The following CCNH variants were observed in gnomAD, a reference collection of about 807,000 sequenced individuals.
CCNH encodes the protein cyclin-H.
In CCNH, 31 loss-of-function variants were observed where a neutral mutation model predicts 41.9. That is an observed-to-expected ratio of 0.74 (90% CI 0.56 to 1.00). The LOEUF (loss-of-function observed/expected upper bound fraction) is 1.00. CCNH is among the 50% of genes least tolerant of loss of function. CCNH has a pLI of 0.00. For synonymous variants in CCNH, 138 were observed against 136.1 expected, an observed-to-expected ratio of 1.01 and a Z score of -0.10; for missense variants, 362 against 388.4, an observed-to-expected ratio of 0.93 and a Z score of 0.57.
At chr5:87,384,182 A>C (rs1187938755) in intron 9 of CCNH, among the ~76,000 whole-genome samples, 1 of 152,166 alleles carries the variant, frequency 6.6e-6, no homozygotes, top group Admixed American at 6.5e-5. Flanking sequence ...CAGTTGGAAT[A>C]GTATTCTGTG....
intron 9 of CCNH, among the ~76,000 whole-genome samples, chr5:87,321,868 C>G (rs1430475070): frequency 6.6e-6 from 1 of 152,200 alleles, no homozygotes; most frequent in Non-Finnish European, 1.5e-5. Context: ...TTATGACCCA[C>G]AGTCAGAAAA....
chr5:87,384,693 G>A (rs1761946555), intron 9 of CCNH, among the ~76,000 whole-genome samples: 1 of 152,046 alleles, frequency 6.6e-6, no homozygotes, highest in Non-Finnish European at 1.5e-5. Flanking sequence ...AAGTTCCAGA[G>A]CTTATATTTA....
chr5:87,343,701 C>T (rs967930549), intron 9 of CCNH, among the ~76,000 whole-genome samples: 4 of 152,084 alleles, frequency 2.6e-5, no homozygotes, highest in Non-Finnish European at 5.9e-5. Flanking sequence ...CCATATGATC[C>T]GGCAATCCCA....
intron 9 of CCNH, among the ~76,000 whole-genome samples, chr5:87,385,560 T>A (rs1190596918): frequency 6.6e-6 from 1 of 152,114 alleles, no homozygotes; most frequent in Admixed American, 6.5e-5. Context: ...TACATTTTAA[T>A]AGTGGAACTT....
intron 9 of CCNH, among the ~76,000 whole-genome samples, chr5:87,337,398 C>T (rs955217722): frequency 6.6e-6 from 1 of 151,986 alleles, no homozygotes; most frequent in Non-Finnish European, 1.5e-5. Flanking sequence ...GAATGCTGTA[C>T]CCATTGGATA....
At position 87,362,570 on chromosome 5, in the gene CCNH, A is replaced by G. The variant is rs529871259; in HGVS notation, c.*90+30200T>C. 31 of 1,593,846 alleles carry G rather than the reference A, an allele frequency of 1.9e-5. No individual in the cohort carries two copies. Among genetic ancestry groups the G allele is most frequent in the African/African-American group, 1.3e-4 (10 of 74,532 alleles). On this transcript the variant is annotated intron_variant and NMD_transcript_variant, in intron 9 of 9. Coordinates refer to the CCNH transcript ENST00000645953. Reference sequence around the variant, plus strand: ...ATTCAGGATCAAGAACAAGTACTCAATGACACAGTGGATGGCAAGGAAATC... The same window carrying G: ...ATTCAGGATCAAGAACAAGTACTCAGTGACACAGTGGATGGCAAGGAAATC...
chr5:87,402,584 C>CT (rs2112564343), intron 5 of CCNH, among the ~76,000 whole-genome samples: 1 of 152,130 alleles, frequency 6.6e-6, no homozygotes, highest in East Asian at 1.9e-4. Flanking sequence ...GAAAGCAATG[C>CT]TTTAAGAACT....
intron 9 of CCNH, among the ~76,000 whole-genome samples, chr5:87,342,313 C>T (rs1483141392): frequency 1.3e-5 from 2 of 152,068 alleles, no homozygotes; most frequent in East Asian, 3.9e-4. Flanking sequence ...CGCACAACAC[C>T]ATGCTAGGCT....
At chr5:87,352,239 T>G (rs1759328669) in intron 9 of CCNH, among the ~76,000 whole-genome samples, 1 of 151,820 alleles carries the variant, frequency 6.6e-6, no homozygotes, top group South Asian at 2.1e-4. Flanking sequence ...GTTTTGGTTT[T>G]TAACATTACT....
At chr5:87,324,622 C>G (rs1757082013) in intron 9 of CCNH, among the ~76,000 whole-genome samples, 1 of 152,152 alleles carries the variant, frequency 6.6e-6, no homozygotes, top group African/African-American at 2.4e-5. Flanking sequence ...CTAACTTGAT[C>G]TGAGATAAAT....
At chr5:87,391,452 T>C (rs552011303), downstream of CCNH, 2 of 242,682 alleles carry the variant, frequency 8.2e-6, no homozygotes, top group East Asian at 5.9e-5. Context: ...CTCTGCTATT[T>C]CTCTTGCTGG....
At chr5:87,377,788 T>C (rs1761426244), upstream of CCNH, among the ~76,000 whole-genome samples, 1 of 152,194 alleles carries the variant, frequency 6.6e-6, no homozygotes, top group African/African-American at 2.4e-5. Flanking sequence ...CTTTGATTCA[T>C]TAACAGTTCT....
Position 87,376,802 on chromosome 5 carries a change from G to T in CCNH, n.379C>A, listed in dbSNP as rs1318765457. 6 of 1,409,694 alleles carry T rather than the reference G, an allele frequency of 4.3e-6. No individual in the cohort carries two copies. The South Asian group carries it at 7.3e-5, about 17-fold the overall frequency. 87.3% of individuals were successfully genotyped at this position (1,409,694 alleles called of 1,614,324 possible). A position where few individuals can be genotyped will look rare whatever the true frequency, so the allele number is the denominator to read the frequency against. ...ATTTTAAATATAAGAACTTGTGAAAGAACATATTTCTTGTTAGTCTCATGG... is the reference window on the plus strand; with the variant it reads ...ATTTTAAATATAAGAACTTGTGAAATAACATATTTCTTGTTAGTCTCATGG... On this transcript the variant is annotated non_coding_transcript_exon_variant, in exon 1 of 1. Coordinates refer to the CCNH transcript ENST00000607486.
chr5:87,332,143 A>T (rs2112368365), intron 9 of CCNH, among the ~76,000 whole-genome samples: 1 of 152,238 alleles, frequency 6.6e-6, no homozygotes, highest in East Asian at 1.9e-4. Context: ...TTGTGTAAAT[A>T]TTGCAAGAGA....
intron 9 of CCNH, among the ~76,000 whole-genome samples, chr5:87,352,077 A>G (rs916280478): frequency 6.6e-5 from 10 of 151,496 alleles, no homozygotes; most frequent in Non-Finnish European, 1.2e-4. Context: ...ATGGTATTAG[A>G]TTTTTTTATT....
downstream of CCNH, chr5:87,391,778 T>C (rs931177473): frequency 8.6e-6 from 2 of 232,024 alleles, no homozygotes; most frequent in African/African-American, 2.2e-5. Context: ...GCCTAACTTA[T>C]CCATCTTTGA....
intron 5 of CCNH, among the ~76,000 whole-genome samples, chr5:87,402,734 C>T (rs1379780515): frequency 6.6e-6 from 1 of 152,150 alleles, no homozygotes; most frequent in Non-Finnish European, 1.5e-5. Flanking sequence ...TAATCCATTT[C>T]TGGCTACCAG....
exon 1 of CCNH, chr5:87,376,426 A>G: frequency 1.2e-6 from 2 of 1,614,046 alleles, no homozygotes; most frequent in Non-Finnish European, 1.7e-6. Context: ...CGATTACAGA[A>G]AGGGCATGCC....
exon 1 of CCNH, chr5:87,377,169 C>G: frequency 7.9e-7 from 1 of 1,272,846 alleles, no homozygotes; most frequent in Non-Finnish European, 1.1e-6. Context: ...TCTGTTTTCC[C>G]TCCTTAAAAA....
Sources: gnomAD v4.1 joint callset for allele counts (sites outside exome capture counted in the v4.1 genomes callset) on GRCh38, gnomAD v4.1.1 for gene constraint, MANE v1.5 for transcripts, NCBI Gene and HGNC (gene_info 2026-07-23, HGNC 2026-07-21) for gene names.